MGMT: variants seen among roughly 807,000 people sequenced by gnomAD.
The protein encoded by MGMT is methylated-DNA--protein-cysteine methyltransferase.
MGMT carries 14 observed loss-of-function variants against 15.9 expected under a neutral mutation model. The observed-to-expected ratio is 0.88, with a 90% confidence interval of 0.58 to 1.37. The LOEUF is 1.37. Among genes scored for constraint, MGMT ranks in the 40% most tolerant of loss-of-function variants. The pLI is 0.00. For missense variants in MGMT, 282 were observed against 268.1 expected (o/e 1.05, Z -0.36); for synonymous variants, 130 against 118.2 (o/e 1.10, Z -0.65).
chr10:129,645,528 T>C (rs1847378469), intron 2 of MGMT, among the ~76,000 whole-genome samples: 1 of 152,290 alleles, frequency 6.6e-6, no homozygotes, highest in South Asian at 2.1e-4. Context: ...GGAAGGGTTC[T>C]GTGGTCAGGC....
At chr10:129,657,902 C>T (rs894425919) in intron 2 of MGMT, among the ~76,000 whole-genome samples, 11 of 152,080 alleles carry the variant, frequency 7.2e-5, no homozygotes, top group African/African-American at 2.7e-4. Flanking sequence ...GAGTGCAAAG[C>T]CTGAACCGGC....
At chr10:129,728,212 G>A (rs928550396) in intron 3 of MGMT, among the ~76,000 whole-genome samples, 16 of 152,192 alleles carry the variant, frequency 1.1e-4, no homozygotes, top group Non-Finnish European at 2.1e-4. Flanking sequence ...AGAAGAAGAA[G>A]GGATTCATTT....
intron 1 of MGMT, among the ~76,000 whole-genome samples, chr10:129,511,193 G>A (rs879701228): frequency 5.7e-5 from 8 of 139,274 alleles, no homozygotes; most frequent in Admixed American, 5.1e-4. Flanking sequence ...GCTTCATGCA[G>A]TAGGAACCCT....
chr10:129,600,479 A>T (rs1007919313), intron 2 of MGMT, among the ~76,000 whole-genome samples: 2 of 152,224 alleles, frequency 1.3e-5, no homozygotes, highest in African/African-American at 4.8e-5. Flanking sequence ...GAAAACAATT[A>T]AAAAATACAC....
At chr10:129,648,886 T>G (rs1250290378) in intron 2 of MGMT, among the ~76,000 whole-genome samples, 1 of 152,120 alleles carries the variant, frequency 6.6e-6, no homozygotes, top group Non-Finnish European at 1.5e-5. Flanking sequence ...CTTAAATTAG[T>G]GAAGAGTGGA....
At chr10:129,741,795 T>C (rs10829624) in intron 3 of MGMT, among the ~76,000 whole-genome samples, 77,773 of 151,916 alleles carry the variant, frequency 0.51, 20,086 homozygotes, top group Admixed American at 0.59. Context: ...AGAGCAGAGC[T>C]GCAGAAGCTG....
At chr10:129,588,500 A>G (rs543462751) in intron 2 of MGMT, among the ~76,000 whole-genome samples, 3 of 152,122 alleles carry the variant, frequency 2.0e-5, no homozygotes, top group Admixed American at 2.0e-4. Flanking sequence ...CCCTCTGAGT[A>G]CCTTGTTGTC....
At chr10:129,618,227 A>G (rs1847051110) in intron 2 of MGMT, among the ~76,000 whole-genome samples, 1 of 152,156 alleles carries the variant, frequency 6.6e-6, no homozygotes, top group Non-Finnish European at 1.5e-5. Context: ...ATTTCTATCC[A>G]TTATTTACCT....
At position 129,767,091 on chromosome 10, in the gene MGMT, C is replaced by T; in HGVS notation, c.*94C>T. On this transcript the variant is annotated 3_prime_UTR_variant, in exon 5 of 5. Transcript: ENST00000651593. ...GGCACCGCTGTATTAAAGGAAGTGGCAGTGTCCTGGGAACAAGCGTGTCTG... is the reference window on the plus strand; with the variant it reads ...GGCACCGCTGTATTAAAGGAAGTGGTAGTGTCCTGGGAACAAGCGTGTCTG... 3 of 1,110,136 alleles carry T rather than the reference C, an allele frequency of 2.7e-6. No individual in the cohort carries two copies. Among genetic ancestry groups the T allele is most frequent in the Non-Finnish European group, 3.8e-6 (3 of 796,554 alleles). 68.8% of individuals were successfully genotyped at this position (1,110,136 alleles called of 1,614,324 possible). A position where few individuals can be genotyped will look rare whatever the true frequency, so the allele number is the denominator to read the frequency against.
chr10:129,669,999 G>T (rs539776252), intron 2 of MGMT, among the ~76,000 whole-genome samples: 3 of 152,242 alleles, frequency 2.0e-5, no homozygotes, highest in African/African-American at 7.2e-5. Context: ...CATAAAAATT[G>T]CAGTAAAACG....
At chr10:129,547,023 G>C (rs1282393398) in intron 2 of MGMT, among the ~76,000 whole-genome samples, 1 of 152,178 alleles carries the variant, frequency 6.6e-6, no homozygotes, top group Non-Finnish European at 1.5e-5. Flanking sequence ...CAGGGTTGGG[G>C]TGGACAGGAG....
intron 1 of MGMT, among the ~76,000 whole-genome samples, chr10:129,514,540 T>C (rs1845717415): frequency 6.6e-6 from 1 of 152,256 alleles, no homozygotes; most frequent in Non-Finnish European, 1.5e-5. Context: ...TTCAGTCTGA[T>C]TCCTTCTTGC....
intron 2 of MGMT, among the ~76,000 whole-genome samples, chr10:129,614,853 A>G (rs1194337849): frequency 2.0e-5 from 3 of 152,184 alleles, no homozygotes; most frequent in Non-Finnish European, 4.4e-5. Flanking sequence ...CAGGCCCAGC[A>G]CTGTAGGCTC....
chr10:129,508,512 C>T (rs1268582613), intron 1 of MGMT, among the ~76,000 whole-genome samples: 1 of 131,022 alleles, frequency 7.6e-6, no homozygotes, highest in African/African-American at 3.0e-5. Flanking sequence ...TTTAATTTTT[C>T]TTTCTTTCTT....
At chr10:129,527,017 T>C (rs1051227578) in intron 1 of MGMT, among the ~76,000 whole-genome samples, 5 of 152,208 alleles carry the variant, frequency 3.3e-5, no homozygotes, top group Admixed American at 3.3e-4. Context: ...CAGCCACTCA[T>C]GTGGTTTAGG....
chr10:129,496,272 G>A (rs959167203), intron 1 of MGMT, among the ~76,000 whole-genome samples: 2 of 152,062 alleles, frequency 1.3e-5, no homozygotes, highest in African/African-American at 2.4e-5. Flanking sequence ...GTTCCATCCC[G>A]CTCCAAAAGC....
intron 2 of MGMT, among the ~76,000 whole-genome samples, chr10:129,675,871 C>G (rs1392307447): frequency 6.6e-6 from 1 of 152,116 alleles, no homozygotes; most frequent in Non-Finnish European, 1.5e-5. Context: ...CAGCCACCAC[C>G]CCCTCCTCAC....
At chr10:129,731,493 C>T (rs1047367645) in intron 3 of MGMT, among the ~76,000 whole-genome samples, 2 of 151,684 alleles carry the variant, frequency 1.3e-5, no homozygotes, top group Admixed American at 1.3e-4. Flanking sequence ...TTCATACACC[C>T]TGCATATGCC....
chr10:129,569,052 G>C (rs1380449101), intron 2 of MGMT, among the ~76,000 whole-genome samples: 1 of 152,226 alleles, frequency 6.6e-6, no homozygotes, highest in Non-Finnish European at 1.5e-5. Flanking sequence ...TCTCCCCACA[G>C]GGTATGAGAT....
Sources: allele counts gnomAD v4.1 joint callset (sites outside exome capture counted in the v4.1 genomes callset), GRCh38; gene constraint gnomAD v4.1.1; transcripts MANE v1.5; gene names NCBI Gene and HGNC (gene_info 2026-07-23, HGNC 2026-07-21).